The following NALF1 variants were observed in gnomAD, a reference collection of about 807,000 sequenced individuals.
The protein encoded by NALF1 is family with sequence similarity 155 member A.
A neutral mutation model predicts 48.4 loss-of-function variants in NALF1; 3 were observed. That is an observed-to-expected ratio of 0.06 (90% CI 0.03 to 0.16). NALF1 has a LOEUF of 0.16. Ranked by LOEUF, NALF1 falls within the 10% of genes least tolerant of loss-of-function variation. The pLI is 1.00. For missense variants in NALF1, 526 were observed against 571.5 expected, an observed-to-expected ratio of 0.92 and a Z score of 0.81; for synonymous variants, 262 against 245.7, an observed-to-expected ratio of 1.07 and a Z score of -0.62.
intron 2 of NALF1, among the ~76,000 whole-genome samples, chr13:107,179,232 G>A (rs565808755): frequency 2.2e-4 from 34 of 152,262 alleles, no homozygotes; most frequent in African/African-American, 8.2e-4. Context: ...GGAAATGGAG[G>A]TCATTATGTT....
chr13:107,610,527 G>A (rs1002037945), intron 1 of NALF1, among the ~76,000 whole-genome samples: 2 of 152,134 alleles, frequency 1.3e-5, no homozygotes, highest in African/African-American at 4.8e-5. Context: ...GAAATATGTT[G>A]TTTCTAAATA....
intron 1 of NALF1, among the ~76,000 whole-genome samples, chr13:107,643,547 G>C (rs1168315422): frequency 6.7e-6 from 1 of 149,986 alleles, no homozygotes; most frequent in Non-Finnish European, 1.5e-5. Context: ...TTTGGTGGGG[G>C]GGGGGTGAAA....
In NALF1 at chr13:107,343,040, G is replaced by T. The variant is rs150471911; in HGVS notation, c.916-132285C>A. Among the ~76,000 whole-genome samples, 929 of 152,242 alleles carry T rather than the reference G, an allele frequency of 6.1e-3. 6 individuals are homozygous for T. The highest frequency in any genetic ancestry group is 9.7e-3 in the Admixed American group (148 of 15,278). Reference sequence around the variant, plus strand: ...ACAACCAATTGAACTTAACAGACATGTATAAAACACTCTACCCCATAAAAG... The same window carrying T: ...ACAACCAATTGAACTTAACAGACATTTATAAAACACTCTACCCCATAAAAG... On this transcript the variant is annotated intron_variant, in intron 1 of 2. Transcript: ENST00000375915.
intron 1 of NALF1, among the ~76,000 whole-genome samples, chr13:107,561,341 T>C (rs565989920): frequency 6.6e-6 from 1 of 152,340 alleles, no homozygotes; most frequent in African/African-American, 2.4e-5. Flanking sequence ...TGTTTTTTCC[T>C]GACATTGACA....
chr13:107,507,645 T>C (rs1302134008), intron 1 of NALF1, among the ~76,000 whole-genome samples: 4 of 130,294 alleles, frequency 3.1e-5, no homozygotes, highest in Admixed American at 8.2e-5. Context: ...CCCAAGACAG[T>C]AGGGATTGCA....
At position 107,362,959 on chromosome 13, in the gene NALF1, C is replaced by T. The variant is rs1011621864; in HGVS notation, c.916-152204G>A. Among the ~76,000 whole-genome samples the T allele has an allele frequency of 6.6e-6, 1 of 152,160 alleles. No individual in the cohort carries two copies. Among genetic ancestry groups the T allele is most frequent in the South Asian group, 2.1e-4 (1 of 4,824 alleles). On this transcript the variant is annotated intron_variant, in intron 1 of 2. Coordinates refer to ENST00000375915, the MANE Select transcript of NALF1 (RefSeq NM_001080396.3). The surrounding 1 kb of genome is among the most constrained non-coding windows in gnomAD (Gnocchi z 4.6). Reference sequence around the variant, plus strand: ...TCATAGAACTATGATGTCCCCAAGACTCAAAAGCTTACCATATAATAATTG... The same window carrying T: ...TCATAGAACTATGATGTCCCCAAGATTCAAAAGCTTACCATATAATAATTG...
At chr13:107,654,453 T>C (rs1321050812) in intron 1 of NALF1, among the ~76,000 whole-genome samples, 2 of 152,218 alleles carry the variant, frequency 1.3e-5, no homozygotes, top group African/African-American at 2.4e-5. Context: ...CAGGAATATA[T>C]AGAATCTCTG....
At chr13:107,214,228 TG>T (rs1879826599) in intron 1 of NALF1, among the ~76,000 whole-genome samples, 1 of 152,172 alleles carries the variant, frequency 6.6e-6, no homozygotes, top group Admixed American at 6.5e-5. Context: ...TTGAAAAGGA[TG>T]TTTTGTGGTG....
At chr13:107,204,554 T>C (rs1278054688) in intron 2 of NALF1, among the ~76,000 whole-genome samples, 4 of 152,212 alleles carry the variant, frequency 2.6e-5, no homozygotes, top group Non-Finnish European at 5.9e-5. Flanking sequence ...TCTTTATGAA[T>C]ATAGAATTCA....
intron 1 of NALF1, among the ~76,000 whole-genome samples, chr13:107,605,847 A>T (rs1879051948): frequency 6.6e-6 from 1 of 152,208 alleles, no homozygotes; most frequent in Non-Finnish European, 1.5e-5. Context: ...TCCAGCAGAC[A>T]ACCTGTTCCC....
chr13:107,257,212 A>G (rs7319824), intron 1 of NALF1, among the ~76,000 whole-genome samples: 17,190 of 152,096 alleles, frequency 0.11, 1,138 homozygotes, highest in African/African-American at 0.16. Context: ...CTCCCTTGAC[A>G]TGTGGGGATT....
intron 1 of NALF1, among the ~76,000 whole-genome samples, chr13:107,529,367 C>A (rs1876551189): frequency 6.6e-6 from 1 of 152,250 alleles, no homozygotes; most frequent in East Asian, 1.9e-4. Flanking sequence ...AGATGAGTAG[C>A]AATTGGGTAG....
intron 1 of NALF1, among the ~76,000 whole-genome samples, chr13:107,625,111 A>C (rs1879632323): frequency 6.6e-6 from 1 of 152,130 alleles, no homozygotes; most frequent in African/African-American, 2.4e-5. Flanking sequence ...CAGAACTCAC[A>C]CACGGAGTAC....
chr13:107,194,745 C>A (rs1266577584), intron 2 of NALF1, among the ~76,000 whole-genome samples: 1 of 152,282 alleles, frequency 6.6e-6, no homozygotes, highest in Middle Eastern at 3.4e-3. Context: ...AAGCCTTCTG[C>A]ACAGCAAAAG....
intron 1 of NALF1, among the ~76,000 whole-genome samples, chr13:107,245,469 T>A (rs1225974913): frequency 6.6e-6 from 1 of 152,232 alleles, no homozygotes. Context: ...TCTCACCAAG[T>A]AATAACTCTG....
At chr13:107,855,852 T>C (rs1336661516) in intron 1 of NALF1, among the ~76,000 whole-genome samples, 2 of 152,174 alleles carry the variant, frequency 1.3e-5, no homozygotes, top group South Asian at 2.1e-4. Flanking sequence ...AATATATGGA[T>C]GATAACATTA....
intron 1 of NALF1, among the ~76,000 whole-genome samples, chr13:107,225,198 G>A (rs954537777): frequency 2.6e-5 from 4 of 152,016 alleles, no homozygotes; most frequent in South Asian, 2.1e-4. Flanking sequence ...AAGCAGAGAC[G>A]GGGTTTCACC....
At chr13:107,825,184 GT>G (rs1211564242) in intron 1 of NALF1, among the ~76,000 whole-genome samples, 1 of 151,940 alleles carries the variant, frequency 6.6e-6, no homozygotes, top group African/African-American at 2.4e-5. Flanking sequence ...CTTTGGCTTT[GT>G]TTTTTTTATG....
intron 1 of NALF1, among the ~76,000 whole-genome samples, chr13:107,353,797 T>C (rs1432770898): frequency 6.6e-6 from 1 of 152,228 alleles, no homozygotes; most frequent in Admixed American, 6.5e-5. Context: ...CCAGCAACTC[T>C]GCTAGATTTA....
Sources: gnomAD v4.1 joint callset for allele counts (sites outside exome capture counted in the v4.1 genomes callset) on GRCh38, gnomAD v4.1.1 for gene constraint, Gnocchi (gnomAD v3.1) non-coding constraint, MANE v1.5 for transcripts, NCBI Gene and HGNC (gene_info 2026-07-23, HGNC 2026-07-21) for gene names.